The following UHRF2 variants were observed in gnomAD, a reference collection of about 807,000 sequenced individuals.
The protein encoded by UHRF2 is E3 ubiquitin-protein ligase UHRF2.
Under a neutral mutation model 96.8 loss-of-function variants are expected in UHRF2, and 23 were observed. That is an observed-to-expected ratio of 0.24 (90% confidence interval 0.17 to 0.34). The LOEUF is 0.34. Ranked by LOEUF, UHRF2 falls within the 10% of genes least tolerant of loss-of-function variation. The pLI, the probability that UHRF2 is intolerant of heterozygous loss-of-function variation, is 1.00. For missense variants in UHRF2, 685 were observed against 981.5 expected, an observed-to-expected ratio of 0.70 and a Z score of 4.04; for synonymous variants, 385 against 332.6, an observed-to-expected ratio of 1.16 and a Z score of -1.72.
At chr9:6,484,116 A>G (rs1824101578) in intron 8 of UHRF2, among the ~76,000 whole-genome samples, 1 of 150,190 alleles carries the variant, frequency 6.7e-6, no homozygotes, top group Non-Finnish European at 1.5e-5. Flanking sequence ...TCTATCACCC[A>G]GGCTGGAGTG....
intron 3 of UHRF2, among the ~76,000 whole-genome samples, chr9:6,436,989 A>T (rs1381822076): frequency 6.6e-6 from 1 of 152,366 alleles, no homozygotes; most frequent in East Asian, 1.9e-4. Context: ...GGAAAGGACT[A>T]TATAAAATAT....
rs758419192 is a variant in UHRF2 at position 6,498,002 on chromosome 9, A to G, written c.1768-16A>G. ...AATTTTAAATCTCAAACTGGCACTG[A>G]AATATTGTGATTTAGGTGGTGAAAT... is the stretch of plus-strand genomic sequence containing the variant. On this transcript the variant is annotated splice_polypyrimidine_tract_variant and intron_variant, in intron 11 of 15. Transcript: ENST00000276893. The G allele has an allele frequency of 6.2e-7, 1 of 1,610,968 alleles. No individual in the cohort carries two copies. Among genetic ancestry groups the G allele is most frequent in the Non-Finnish European group, 8.5e-7 (1 of 1,179,492 alleles).
In UHRF2 at chr9:6,454,894, A is replaced by G. The variant is rs185312270; in HGVS notation, c.645-5679A>G. Reference sequence around the variant, plus strand: ...CATCGGAATCACTGAGGGGATTTGTAAATGTAGATTGCTGGACCTCATTTC... The same window carrying G: ...CATCGGAATCACTGAGGGGATTTGTGAATGTAGATTGCTGGACCTCATTTC... On this transcript the variant is annotated intron_variant, in intron 3 of 15. Transcript: ENST00000276893. Among the ~76,000 whole-genome samples the G allele has an allele frequency of 4.0e-3, 611 of 152,318 alleles. 2 individuals carry two copies. The highest frequency in any genetic ancestry group is 0.013 in the African/African-American group (537 of 41,564).
intron 14 of UHRF2, among the ~76,000 whole-genome samples, chr9:6,503,692 A>G (rs2130977717): frequency 6.6e-6 from 1 of 152,294 alleles, no homozygotes; most frequent in African/African-American, 2.4e-5. Flanking sequence ...AAGTTTTATA[A>G]CAGCAGAAGA....
chr9:6,428,453 A>G, intron 2 of UHRF2, among the ~76,000 whole-genome samples: 1 of 150,574 alleles, frequency 6.6e-6, no homozygotes, highest in East Asian at 1.9e-4. Context: ...CCTATTAATA[A>G]TCTTTAACTT....
chr9:6,465,046 T>C (rs1037848510), intron 4 of UHRF2, among the ~76,000 whole-genome samples: 28 of 152,318 alleles, frequency 1.8e-4, no homozygotes, highest in African/African-American at 5.5e-4. Flanking sequence ...TTTGTCTTTT[T>C]CTTTACTTTT....
intron 9 of UHRF2, among the ~76,000 whole-genome samples, chr9:6,491,933 A>G (rs538400325): frequency 4.6e-5 from 7 of 152,156 alleles, no homozygotes; most frequent in Admixed American, 2.6e-4. Flanking sequence ...AGGTCTCGCT[A>G]TGTCACCCAG....
chr9:6,449,822 G>A (rs371768458), intron 3 of UHRF2, among the ~76,000 whole-genome samples: 23 of 152,284 alleles, frequency 1.5e-4, no homozygotes, highest in South Asian at 1.2e-3. Context: ...GCTCTAATCT[G>A]CCCTAGCAGA....
intron 4 of UHRF2, among the ~76,000 whole-genome samples, chr9:6,465,678 T>G (rs923888762): frequency 1.6e-4 from 24 of 152,220 alleles, no homozygotes; most frequent in African/African-American, 4.1e-4. Context: ...ATCAGAGGTT[T>G]ATCGGTTTTA....
At chr9:6,419,991 C>T (rs1057306727) in intron 1 of UHRF2, among the ~76,000 whole-genome samples, 1 of 151,636 alleles carries the variant, frequency 6.6e-6, no homozygotes, top group Non-Finnish European at 1.5e-5. Flanking sequence ...TCAAGTGATC[C>T]TCCCACCTTG....
intron 4 of UHRF2, among the ~76,000 whole-genome samples, chr9:6,473,083 A>G (rs747446375): frequency 7.9e-5 from 12 of 152,212 alleles, no homozygotes; most frequent in Non-Finnish European, 1.5e-4. Flanking sequence ...TCCCACTGAA[A>G]GAAACTCCTG....
chr9:6,460,550 C>T (rs568988501), intron 3 of UHRF2, 23 bp from the exon 4 acceptor site: 3 of 1,567,790 alleles, frequency 1.9e-6, no homozygotes, highest in African/African-American at 2.7e-5. Flanking sequence ...AATCATAAGC[C>T]ATATGGTTTT....
At chr9:6,499,954 A>AAAG in intron 13 of UHRF2, 23 bp downstream of exon 13, 1 of 1,525,422 alleles carries the variant, frequency 6.6e-7, no homozygotes, top group South Asian at 1.2e-5. Flanking sequence ...TGCAAAATAT[A>AAAG]AATAATAATA....
chr9:6,487,223 T>C (rs1004829344), intron 9 of UHRF2, among the ~76,000 whole-genome samples: 2 of 131,224 alleles, frequency 1.5e-5, no homozygotes, highest in East Asian at 2.5e-4. Flanking sequence ...GGAGTCTCGC[T>C]ATATCACCTG....
At chr9:6,450,224 G>A (rs147942311) in intron 3 of UHRF2, among the ~76,000 whole-genome samples, 118 of 151,834 alleles carry the variant, frequency 7.8e-4, no homozygotes, top group Middle Eastern at 3.4e-3. Flanking sequence ...AATGTACTTA[G>A]GTTGTTCAAA....
At chr9:6,430,207 G>A (rs1015960685) in intron 2 of UHRF2, among the ~76,000 whole-genome samples, 5 of 152,042 alleles carry the variant, frequency 3.3e-5, no homozygotes, top group Non-Finnish European at 1.5e-5. Flanking sequence ...ACAGGGTTTC[G>A]CCATGTTTGC....
intron 2 of UHRF2, among the ~76,000 whole-genome samples, chr9:6,432,910 C>A (rs565588236): frequency 6.6e-6 from 1 of 151,962 alleles, no homozygotes; most frequent in African/African-American, 2.4e-5. Flanking sequence ...GCACGATCTC[C>A]GTTCACTGCA....
chr9:6,462,788 G>C (rs1272576504), intron 4 of UHRF2, among the ~76,000 whole-genome samples: 3 of 152,030 alleles, frequency 2.0e-5, no homozygotes, highest in Non-Finnish European at 4.4e-5. Flanking sequence ...GTAGTGGCAC[G>C]TGCCTGTAGT....
chr9:6,476,965 A>G (rs926408408), intron 5 of UHRF2, among the ~76,000 whole-genome samples: 1 of 152,078 alleles, frequency 6.6e-6, no homozygotes, highest in Non-Finnish European at 1.5e-5. Flanking sequence ...GAAAAGCTGT[A>G]TGCTGGCTGG....
Sources: gnomAD v4.1 joint callset for allele counts (sites outside exome capture counted in the v4.1 genomes callset) on GRCh38, gnomAD v4.1.1 for gene constraint, MANE v1.5 for transcripts, NCBI Gene and HGNC (gene_info 2026-07-23, HGNC 2026-07-21) for gene names.